Variants in KLRF2 observed in about 807,000 individuals in gnomAD.
KLRF2 encodes killer cell lectin like receptor F2.
A neutral mutation model predicts 25.3 loss-of-function variants in KLRF2; 28 were observed. The observed-to-expected ratio is 1.11, with a 90% CI of 0.82 to 1.52. The LOEUF (loss-of-function observed/expected upper bound fraction) is 1.52. Among genes scored for constraint, KLRF2 ranks in the 40% most tolerant of loss-of-function variants. The pLI is 0.00. For synonymous variants in KLRF2, 73 were observed against 85.0 expected (o/e 0.86, Z 0.78); for missense variants, 265 against 245.8 (o/e 1.08, Z -0.52).
chr12:9,889,405 G>A (rs1165934323), intron 3 of KLRF2, among the ~76,000 whole-genome samples: 1 of 152,138 alleles, frequency 6.6e-6, no homozygotes, highest in Non-Finnish European at 1.5e-5. Context: ...GATTTTGAGT[G>A]AAATGGATTA....
intron 5 of KLRF2, 90 bp downstream of exon 5, chr12:9,893,631 TTC>T (rs1591779823): frequency 2.1e-6 from 1 of 487,628 alleles, no homozygotes; most frequent in Non-Finnish European, 3.5e-6. Flanking sequence ...TTTTCCTTCT[TTC>T]TCTGTTTTCC....
In KLRF2 at chr12:9,893,061, G is replaced by A. The variant is rs549841507; in HGVS notation, c.259G>A (p.Gly87Arg). The A allele has an allele frequency of 2.0e-5, 30 of 1,535,826 alleles. No homozygotes were observed. Among genetic ancestry groups the A allele is most frequent in the Middle Eastern group, 3.3e-4 (2 of 5,988 alleles). The change falls in exon 4 of 6, where the codon GGG becomes AGG. Residue 87 changes from glycine (G) to arginine (R), a missense_variant. Gly to Arg is a moderately radical substitution (Grantham distance 125, BLOSUM62 -2). Coordinates refer to ENST00000535540, the MANE Select transcript of KLRF2 (RefSeq NM_001190765.1). ...LCPNDWLLNE[G>R]KCYWFSTSFK... Reference sequence around the variant, plus strand: ...CCCAAATGACTGGCTGTTGAACGAAGGGAAATGTTACTGGTTTTCAACTTC... The same window carrying A: ...CCCAAATGACTGGCTGTTGAACGAAAGGAAATGTTACTGGTTTTCAACTTC...
chr12:9,881,796 G>A, intron 1 of KLRF2, 131 bp downstream of exon 1: 4 of 714,684 alleles, frequency 5.6e-6, no homozygotes, highest in Non-Finnish European at 9.0e-6. Flanking sequence ...TAAATTGTCT[G>A]TTAGATTATT....
chr12:9,888,286 C>T (rs1406231586), intron 2 of KLRF2, among the ~76,000 whole-genome samples: 4 of 151,422 alleles, frequency 2.6e-5, no homozygotes, highest in African/African-American at 7.3e-5. Flanking sequence ...GTCAGGAGAT[C>T]GAGACCATCC....
At chr12:9,889,527 TATA>T (rs750851363) in intron 3 of KLRF2, among the ~76,000 whole-genome samples, 3 of 152,122 alleles carry the variant, frequency 2.0e-5, no homozygotes, top group African/African-American at 4.8e-5. Context: ...AGACTGAAGA[TATA>T]ATATTAATTT....
intron 2 of KLRF2, among the ~76,000 whole-genome samples, chr12:9,888,409 G>A (rs1016301924): frequency 6.6e-6 from 1 of 151,940 alleles, no homozygotes; most frequent in Non-Finnish European, 1.5e-5. Context: ...AGAATGGCGA[G>A]AACCTGGGAG....
At chr12:9,890,875 C>T (rs533977460) in intron 3 of KLRF2, among the ~76,000 whole-genome samples, 5 of 152,154 alleles carry the variant, frequency 3.3e-5, no homozygotes, top group South Asian at 2.1e-4. Flanking sequence ...TTCTGTCTAC[C>T]GCAATTCCTA....
At position 9,881,565 on chromosome 12, in the gene KLRF2, C is replaced by G. The variant is rs1234504878; in HGVS notation, c.-31C>G. On this transcript the variant is annotated 5_prime_UTR_variant, in exon 1 of 6. Coordinates refer to ENST00000535540, the MANE Select transcript of KLRF2 (RefSeq NM_001190765.1). ...GTTTCCATTTTCTTTGTACTATTTT[C>G]TGGATAATAAGACATTAGACATTTG... is the stretch of plus-strand genomic sequence containing the variant. 1 of 1,427,324 alleles carries G rather than the reference C, an allele frequency of 7.0e-7. No individual in the cohort carries two copies. The highest frequency in any genetic ancestry group is 2.5e-5 in the East Asian group (1 of 40,254). 88.4% of individuals were successfully genotyped at this position (1,427,324 alleles called of 1,614,324 possible). A position where few individuals can be genotyped will look rare whatever the true frequency, so the allele number is the denominator to read the frequency against.
At chr12:9,892,410 G>A (rs1213935179) in intron 3 of KLRF2, among the ~76,000 whole-genome samples, 2 of 151,958 alleles carry the variant, frequency 1.3e-5, no homozygotes, top group Non-Finnish European at 2.9e-5. Flanking sequence ...TAAATAATAA[G>A]CTTTTACTTT....
intron 1 of KLRF2, among the ~76,000 whole-genome samples, chr12:9,882,573 T>A (rs1014417571): frequency 6.6e-6 from 1 of 152,080 alleles, no homozygotes; most frequent in East Asian, 1.9e-4. Context: ...AGGTCAGGAA[T>A]TCGAGACCAG....
chr12:9,881,603 A>G lies in KLRF2; in HGVS notation c.8A>G (p.Asn3Ser). 6.5e-7 allele frequency: 1 copy of G among 1,533,494 alleles called. No homozygotes were observed. The highest frequency in any genetic ancestry group is 8.7e-7 in the Non-Finnish European group (1 of 1,144,636). 95.0% of individuals were successfully genotyped at this position (1,533,494 alleles called of 1,614,324 possible). A position where few individuals can be genotyped will look rare whatever the true frequency, so the allele number is the denominator to read the frequency against. Residue 3 changes from asparagine (N) to serine (S), a missense_variant, in exon 1 of 6, where the codon AAT becomes AGT. Coordinates refer to ENST00000535540, the MANE Select transcript of KLRF2 (RefSeq NM_001190765.1). ME[N>S]EDGYMTLSFK... The stretch of plus-strand genomic sequence containing the variant: ...CATTAGACATTTGAAGAGATGGAGA[A>G]TGAAGATGGGTATATGACGCTGAGT...
intron 5 of KLRF2, among the ~76,000 whole-genome samples, chr12:9,894,145 TC>T (rs1862725551): frequency 6.7e-6 from 1 of 150,280 alleles, no homozygotes; most frequent in African/African-American, 2.5e-5. Context: ...TCTCTCTCTC[TC>T]TCTCTCTCCC....
intron 5 of KLRF2, among the ~76,000 whole-genome samples, chr12:9,894,030 CTCTT>C (rs955882867): frequency 5.3e-5 from 8 of 151,796 alleles, no homozygotes; most frequent in African/African-American, 7.3e-5. Flanking sequence ...TTCTTTTCTT[CTCTT>C]TCTTTTTCTT....
At chr12:9,887,010 T>C (rs1862606329) in intron 2 of KLRF2, among the ~76,000 whole-genome samples, 1 of 151,514 alleles carries the variant, frequency 6.6e-6, no homozygotes, top group South Asian at 2.1e-4. Flanking sequence ...GAGCAAAATG[T>C]CAGAAAAAAA....
rs978900782 is a variant in KLRF2 at position 9,895,578 on chromosome 12, A to G, written c.480-111A>G. The G allele has an allele frequency of 1.1e-4, 111 of 1,009,562 alleles. No homozygotes were observed. In the African/African-American group the frequency reaches 1.4e-3, roughly 13 times the overall value. 62.5% of individuals were successfully genotyped at this position (1,009,562 alleles called of 1,614,324 possible). A position where few individuals can be genotyped will look rare whatever the true frequency, so the allele number is the denominator to read the frequency against. On this transcript the variant is annotated intron_variant, in intron 5 of 5. Coordinates refer to ENST00000535540, the MANE Select transcript of KLRF2 (RefSeq NM_001190765.1). ...GAAAATTCCATTCTAAAACCTCTGCAAAACTTTGGCTGCTGAAGAATTACC... is the reference window on the plus strand; with the variant it reads ...GAAAATTCCATTCTAAAACCTCTGCGAAACTTTGGCTGCTGAAGAATTACC...
At chr12:9,885,680 A>G (rs1020979418) in intron 2 of KLRF2, among the ~76,000 whole-genome samples, 1 of 152,024 alleles carries the variant, frequency 6.6e-6, no homozygotes, top group South Asian at 2.1e-4. Flanking sequence ...GTTTTTCCCA[A>G]TACAACAAGG....
At chr12:9,881,793 T>C in intron 1 of KLRF2, 128 bp downstream of exon 1, 1 of 720,906 alleles carries the variant, frequency 1.4e-6, no homozygotes, top group South Asian at 2.0e-5. Context: ...TCATAAATTG[T>C]CTGTTAGATT....
At chr12:9,888,673 T>C (rs1021687850) in intron 2 of KLRF2, 60 bp from the exon 3 acceptor site, 22 of 954,954 alleles carry the variant, frequency 2.3e-5, no homozygotes, top group Non-Finnish European at 3.4e-5. Flanking sequence ...TATTCTCATG[T>C]ACCTAGATTG....
chr12:9,893,446 T>C lies in KLRF2; in HGVS notation c.384T>C (p.Ser128=). 1 of 1,483,284 alleles carries C rather than the reference T, an allele frequency of 6.7e-7. No homozygotes were observed. The highest frequency in any genetic ancestry group is 1.2e-5 in the South Asian group (1 of 81,466). 91.9% of individuals were successfully genotyped at this position (1,483,284 alleles called of 1,614,324 possible). A position where few individuals can be genotyped will look rare whatever the true frequency, so the allele number is the denominator to read the frequency against. Residue 128 remains serine, a synonymous_variant, in exon 5 of 6, where the codon AGT becomes AGC. Transcript: ENST00000535540. ...TTCTGCAGGAGTTCATACAGAACAGTTTAAAACCTGGACATTTTGGTTGGA... is the reference window on the plus strand; with the variant it reads ...TTCTGCAGGAGTTCATACAGAACAGCTTAAAACCTGGACATTTTGGTTGGA... ...NLDELEFIQN[S]LKPGHFGWIG... is the part of the protein sequence containing the mutation.
Sources: gnomAD v4.1 joint callset for allele counts (sites outside exome capture counted in the v4.1 genomes callset) on GRCh38, gnomAD v4.1.1 for gene constraint, MANE v1.5 for transcripts, NCBI Gene and HGNC (gene_info 2026-07-23, HGNC 2026-07-21) for gene names.